The following RNF220 variants were observed in gnomAD, a reference collection of about 807,000 sequenced individuals.
RNF220 encodes the protein E3 ubiquitin-protein ligase RNF220.
A neutral mutation model predicts 67.1 loss-of-function variants in RNF220; 7 were observed. The ratio of observed to expected loss-of-function variants is 0.10; its 90% confidence interval spans 0.06 to 0.20. RNF220 has a LOEUF of 0.20. RNF220 is among the 10% of genes least tolerant of loss of function. The pLI, the probability that RNF220 is intolerant of heterozygous loss-of-function variation, is 1.00. For missense variants in RNF220, 565 were observed against 740.3 expected (o/e 0.76, Z 2.75); for synonymous variants, 270 against 283.2 (o/e 0.95, Z 0.47).
chr1:44,569,950 T>TG (rs1664314633), intron 2 of RNF220, among the ~76,000 whole-genome samples: 1 of 152,092 alleles, frequency 6.6e-6, no homozygotes, highest in African/African-American at 2.4e-5. Flanking sequence ...TGGTTCTAGG[T>TG]GCTGTGAGCT....
intron 2 of RNF220, among the ~76,000 whole-genome samples, chr1:44,580,049 A>AAAAAAAAAAAG: frequency 6.7e-6 from 1 of 149,316 alleles, no homozygotes; most frequent in East Asian, 1.9e-4. Flanking sequence ...AAAAAAAAAA[A>AAAAAAAAAAAG]AAAAAAAAGA....
chr1:44,405,708 G>C (rs952266387), intron 1 of RNF220, among the ~76,000 whole-genome samples, 178 bp downstream of exon 1: 5 of 152,114 alleles, frequency 3.3e-5, no homozygotes, highest in African/African-American at 1.2e-4. Flanking sequence ...TTGGATCATC[G>C]CGACGGAGCC....
At position 44,412,341 on chromosome 1, in the gene RNF220, A is replaced by C; in HGVS notation, c.244A>C (p.Thr82Pro). The change falls in exon 2 of 15, where the codon ACT (threonine) becomes CCT (proline). Residue 82 changes from threonine (T) to proline (P), a missense_variant. Thr to Pro is a conservative substitution (Grantham distance 38, BLOSUM62 -1). Coordinates refer to ENST00000361799, the MANE Select transcript of RNF220 (RefSeq NM_018150.4). This position sits in a 1 kb window ranked among gnomAD's most constrained non-coding sequence, Gnocchi z 5.3. ...CCATCGGCAAGGTGGGGTGCCAGGC[A>C]CTTTTGCCAATCGTGATTTCCCCCC... ...MYHRQGGVPGTFANRDFPPSL... is the reference protein window; with the variant it reads ...MYHRQGGVPGPFANRDFPPSL... 1 of 1,614,098 alleles carries C rather than the reference A, an allele frequency of 6.2e-7. No individual in the cohort carries two copies. Among genetic ancestry groups the C allele is most frequent in the Non-Finnish European group, 8.5e-7 (1 of 1,180,024 alleles).
chr1:44,558,448 C>T (rs1558042365), intron 2 of RNF220, among the ~76,000 whole-genome samples: 1 of 152,208 alleles, frequency 6.6e-6, no homozygotes, highest in Non-Finnish European at 1.5e-5. Context: ...TCTAAACCTT[C>T]AAAGACCTCC....
At chr1:44,511,267 C>T (rs1201994433) in intron 2 of RNF220, among the ~76,000 whole-genome samples, 1 of 152,162 alleles carries the variant, frequency 6.6e-6, no homozygotes, top group African/African-American at 2.4e-5. Flanking sequence ...GGATTGGCTA[C>T]AGGAGCCACC....
intron 2 of RNF220, among the ~76,000 whole-genome samples, chr1:44,483,700 G>A (rs1253413284): frequency 6.6e-6 from 1 of 152,210 alleles, no homozygotes; most frequent in Non-Finnish European, 1.5e-5. Flanking sequence ...GGCTAGATAA[G>A]GGGTCAGATC....
intron 2 of RNF220, among the ~76,000 whole-genome samples, chr1:44,574,640 C>A (rs1664678998): frequency 6.6e-6 from 1 of 152,180 alleles, no homozygotes; most frequent in South Asian, 2.1e-4. Flanking sequence ...CCCAGGTCAG[C>A]CTGCCCCTGC....
At chr1:44,635,752 T>A in intron 7 of RNF220, 164 bp downstream of exon 7, 2 of 1,467,276 alleles carry the variant, frequency 1.4e-6, no homozygotes, top group Non-Finnish European at 1.8e-6. Flanking sequence ...TGTGGGCTCT[T>A]GGGGTCTCCA....
intron 2 of RNF220, among the ~76,000 whole-genome samples, chr1:44,502,931 A>G (rs1048406828): frequency 2.6e-5 from 4 of 152,008 alleles, no homozygotes; most frequent in Non-Finnish European, 5.9e-5. Context: ...ATGCCTGACT[A>G]ATTTTTTCTA....
Position 44,406,478 on chromosome 1 carries a change from CTACTT to C in RNF220, c.-118+949_-118+953del, listed in dbSNP as rs1234720976. 6.6e-5 allele frequency among the ~76,000 whole-genome samples: 10 copies of C among 152,364 alleles called. No individual in the cohort carries two copies. In the East Asian group the frequency reaches 1.9e-3, roughly 29 times the overall value. On this transcript the variant is annotated intron_variant, in intron 1 of 14. Coordinates refer to ENST00000361799, the MANE Select transcript of RNF220 (RefSeq NM_018150.4). ...TGGAGACGAGGGCTACTTGACTACTCTACTTGTAGTTTTATTTTTATCTTAGACCT... is the reference window on the plus strand; with the variant it reads ...TGGAGACGAGGGCTACTTGACTACTCGTAGTTTTATTTTTATCTTAGACCT...
Position 44,624,632 on chromosome 1 carries a change from G to A in RNF220, c.805-1665G>A, listed in dbSNP as rs1027130518. ...GAAGCAGGTCGTGAGTGGAAGAGGC[G>A]AGAGAGAGAAGGTTCAAGCAAGAGA... On this transcript the variant is annotated intron_variant, in intron 4 of 14. Transcript: ENST00000361799. The surrounding 1 kb of genome is among the most constrained non-coding windows in gnomAD (Gnocchi z 4.2). Among the ~76,000 whole-genome samples, 9 of 152,040 alleles carry A rather than the reference G, an allele frequency of 5.9e-5. No individual in the cohort carries two copies. Among genetic ancestry groups the A allele is most frequent in the Non-Finnish European group, 8.8e-5 (6 of 68,030 alleles).
At chr1:44,604,916 A>T (rs1243859357) in intron 2 of RNF220, among the ~76,000 whole-genome samples, 1 of 152,256 alleles carries the variant, frequency 6.6e-6, no homozygotes, top group Non-Finnish European at 1.5e-5. Context: ...ACACCTGTGT[A>T]TTATATCTAG....
intron 2 of RNF220, among the ~76,000 whole-genome samples, chr1:44,519,618 T>C (rs1227527704): frequency 6.6e-6 from 1 of 152,140 alleles, no homozygotes; most frequent in Non-Finnish European, 1.5e-5. Flanking sequence ...GGTTCAGCAA[T>C]GTGGGAATCC....
chr1:44,645,465 C>T lies in RNF220; in HGVS notation c.1422C>T (p.Thr474=). ...GCAAGCAGGAGGCCATGCAGAAGACCTGCAAGAACAGCGACATCGAGAAGT... is the reference window on the plus strand; with the variant it reads ...GCAAGCAGGAGGCCATGCAGAAGACTTGCAAGAACAGCGACATCGAGAAGT... The part of the protein sequence containing the change: ...ESSKQEAMQK[T]CKNSDIEKIT... Residue 474 remains threonine (T), a synonymous_variant, in exon 12 of 15, where the codon ACC becomes ACT. Transcript: ENST00000361799. This position sits in a 1 kb window ranked among gnomAD's most constrained non-coding sequence, Gnocchi z 5.0. The T allele has an allele frequency of 6.2e-7, 1 of 1,614,112 alleles. No individual in the cohort carries two copies. The highest frequency in any genetic ancestry group is 2.2e-5 in the East Asian group (1 of 44,862).
At chr1:44,576,979 C>T (rs1048493542) in intron 2 of RNF220, among the ~76,000 whole-genome samples, 7 of 152,092 alleles carry the variant, frequency 4.6e-5, no homozygotes, top group East Asian at 1.9e-4. Flanking sequence ...CTCCAGGAGC[C>T]GACAGGAGGG....
At chr1:44,438,251 G>T (rs1210446404) in intron 2 of RNF220, among the ~76,000 whole-genome samples, 2 of 151,986 alleles carry the variant, frequency 1.3e-5, no homozygotes, top group Non-Finnish European at 2.9e-5. Flanking sequence ...CTCCCAAGTA[G>T]CTGGGACTAC....
At chr1:44,548,064 C>G (rs929760363) in intron 2 of RNF220, among the ~76,000 whole-genome samples, 31 of 152,256 alleles carry the variant, frequency 2.0e-4, no homozygotes, top group African/African-American at 7.2e-4. Flanking sequence ...AGCCAGAATC[C>G]TAGGCATCCT....
chr1:44,457,707 T>C (rs1013345889), intron 2 of RNF220, among the ~76,000 whole-genome samples: 1 of 152,202 alleles, frequency 6.6e-6, no homozygotes, highest in Admixed American at 6.5e-5. Flanking sequence ...TTTTAAGTTC[T>C]GAAACAGAGA....
chr1:44,633,747 T>A (rs1014793365), intron 6 of RNF220, among the ~76,000 whole-genome samples: 12 of 152,232 alleles, frequency 7.9e-5, no homozygotes, highest in Admixed American at 3.3e-4. Flanking sequence ...GGTGTAGGCA[T>A]GGTAGGGAGG....
Sources: allele counts gnomAD v4.1 joint callset (sites outside exome capture counted in the v4.1 genomes callset), GRCh38; gene constraint gnomAD v4.1.1; non-coding constraint Gnocchi (gnomAD v3.1); transcripts MANE v1.5; gene names NCBI Gene and HGNC (gene_info 2026-07-23, HGNC 2026-07-21).